RNGTT: variants seen among roughly 807,000 people sequenced by gnomAD.
RNGTT encodes mRNA-capping enzyme.
Under a neutral mutation model 79.3 loss-of-function variants are expected in RNGTT, and 33 were observed. The observed-to-expected ratio is 0.42, with a 90% CI of 0.32 to 0.56. The LOEUF is 0.56. RNGTT is among the 20% of genes least tolerant of loss of function. The pLI is 0.17. For synonymous variants in RNGTT, 222 were observed against 235.9 expected (o/e 0.94, Z 0.54); for missense variants, 497 against 739.1 (o/e 0.67, Z 3.80).
At chr6:88,714,396 C>T (rs1208898852) in intron 13 of RNGTT, 1 of 152,076 alleles carries the variant, frequency 6.6e-6, no homozygotes, top group Admixed American at 6.6e-5. Context: ...ACCTAAGCCA[C>T]CTGGATAAAG....
At chr6:88,900,276 A>C (rs1783404918) in intron 6 of RNGTT, among the ~76,000 whole-genome samples, 1 of 152,182 alleles carries the variant, frequency 6.6e-6, no homozygotes, top group African/African-American at 2.4e-5. Context: ...CAAAAACTGA[A>C]ATGACAAGAT....
chr6:88,789,977 G>T (rs1238310543), intron 12 of RNGTT, among the ~76,000 whole-genome samples: 5 of 152,150 alleles, frequency 3.3e-5, no homozygotes, highest in Admixed American at 3.3e-4. Flanking sequence ...ATAAATGGTA[G>T]ACTAAACATG....
At chr6:88,908,494 A>G (rs1483303856) in intron 4 of RNGTT, among the ~76,000 whole-genome samples, 1 of 152,186 alleles carries the variant, frequency 6.6e-6, no homozygotes, top group Non-Finnish European at 1.5e-5. Context: ...AAGCAGACAC[A>G]GTGTTTGAAG....
intron 14 of RNGTT, among the ~76,000 whole-genome samples, chr6:88,638,333 T>C (rs553743233): frequency 9.9e-5 from 15 of 152,258 alleles, no homozygotes; most frequent in African/African-American, 3.6e-4. Context: ...ATGTGGATGG[T>C]TTTAGAATTC....
intron 8 of RNGTT, among the ~76,000 whole-genome samples, chr6:88,887,047 TAAAAAAAAAAAAAAA>T (rs754717516): frequency 1.2e-5 from 1 of 83,492 alleles, no homozygotes; most frequent in Admixed American, 1.4e-4. Context: ...ACAATTTCTT[TAAAAAAAAAAAAAAA>T]AAAAAAAAGC....
intron 11 of RNGTT, among the ~76,000 whole-genome samples, chr6:88,841,925 A>G (rs953929825): frequency 3.3e-5 from 5 of 152,200 alleles, no homozygotes; most frequent in African/African-American, 1.2e-4. Context: ...GTTTATCAGT[A>G]TACAATCAAG....
At chr6:88,940,057 CCA>C (rs2127958213) in intron 2 of RNGTT, among the ~76,000 whole-genome samples, 1 of 151,034 alleles carries the variant, frequency 6.6e-6, no homozygotes, top group African/African-American at 2.4e-5. Context: ...CATCCCAGCC[CCA>C]GTTTTTCTTT....
intron 13 of RNGTT, among the ~76,000 whole-genome samples, chr6:88,767,637 C>T (rs1778504155): frequency 1.6e-5 from 2 of 126,756 alleles, no homozygotes; most frequent in Non-Finnish European, 3.2e-5. Flanking sequence ...TTTACTTCAT[C>T]TTTGAAGTCT....
intron 14 of RNGTT, among the ~76,000 whole-genome samples, chr6:88,667,139 G>T (rs2127784711): frequency 6.6e-6 from 1 of 152,268 alleles, no homozygotes; most frequent in Non-Finnish European, 1.5e-5. Context: ...TCCCTTCCGA[G>T]CATCAGTCAC....
chr6:88,852,503 A>G (rs9342170), intron 9 of RNGTT, among the ~76,000 whole-genome samples: 6,231 of 152,202 alleles, frequency 0.041, 190 homozygotes, highest in African/African-American at 0.076. Context: ...CCCCAAGGGT[A>G]CCAGTCACAT....
intron 14 of RNGTT, among the ~76,000 whole-genome samples, chr6:88,672,667 T>C (rs796502401): frequency 2.0e-5 from 3 of 152,288 alleles, no homozygotes; most frequent in African/African-American, 7.2e-5. Flanking sequence ...AACTTATCTA[T>C]GTAACTAAAC....
intron 13 of RNGTT, among the ~76,000 whole-genome samples, chr6:88,691,519 T>C (rs1333630490): frequency 6.6e-6 from 1 of 152,072 alleles, no homozygotes; most frequent in African/African-American, 2.4e-5. Flanking sequence ...ACTACCTAAG[T>C]AGTAAAAGTG....
chr6:88,747,824 T>C (rs571277496), intron 13 of RNGTT, among the ~76,000 whole-genome samples: 1 of 152,332 alleles, frequency 6.6e-6, no homozygotes, highest in Non-Finnish European at 1.5e-5. Context: ...GGCCCATGAC[T>C]CACAGAAGCT....
chr6:88,848,631 C>A (rs1781565915), intron 10 of RNGTT, among the ~76,000 whole-genome samples: 1 of 142,380 alleles, frequency 7.0e-6, no homozygotes, highest in Admixed American at 6.7e-5. Flanking sequence ...TTATATAACA[C>A]CAGAAACCTT....
intron 11 of RNGTT, among the ~76,000 whole-genome samples, chr6:88,824,659 C>T (rs145227693): frequency 6.6e-6 from 1 of 152,100 alleles, no homozygotes; most frequent in Non-Finnish European, 1.5e-5. Context: ...TAGAAAGTTC[C>T]GTTGGACAGG....
At chr6:88,720,500 C>CTTAATTAGAAAGT (rs1776672091) in intron 13 of RNGTT, among the ~76,000 whole-genome samples, 3 of 152,048 alleles carry the variant, frequency 2.0e-5, no homozygotes, top group African/African-American at 7.2e-5. Context: ...CTCATCCAAA[C>CTTAATTAGAAAGT]CCTGGACTTA....
intron 1 of RNGTT, among the ~76,000 whole-genome samples, chr6:88,953,902 T>C (rs1785339946): frequency 6.6e-6 from 1 of 152,174 alleles, no homozygotes; most frequent in African/African-American, 2.4e-5. Flanking sequence ...GAGATAGTCT[T>C]TCTCAGATAA....
chr6:88,937,748 T>A (rs1222223629), intron 2 of RNGTT, among the ~76,000 whole-genome samples: 1 of 152,192 alleles, frequency 6.6e-6, no homozygotes, highest in Non-Finnish European at 1.5e-5. Context: ...GTGTTTCAAT[T>A]TTCATGTGTT....
chr6:88,826,832 A>G (rs1204719508), intron 11 of RNGTT, among the ~76,000 whole-genome samples: 3 of 144,292 alleles, frequency 2.1e-5, no homozygotes, highest in Non-Finnish European at 4.5e-5. Flanking sequence ...GTGTATATAT[A>G]TATATATATA....
Sources: allele counts gnomAD v4.1 joint callset (sites outside exome capture counted in the v4.1 genomes callset), GRCh38; gene constraint gnomAD v4.1.1; transcripts MANE v1.5; gene names NCBI Gene and HGNC (gene_info 2026-07-23, HGNC 2026-07-21).